The following POLQ variants were observed in gnomAD, a reference collection of about 807,000 sequenced individuals.
POLQ encodes the protein DNA polymerase theta, also known as epididymis secretory sperm binding protein.
Under a neutral mutation model 259.2 loss-of-function variants are expected in POLQ, and 233 were observed. That is an observed-to-expected ratio of 0.90 (90% CI 0.81 to 1.00). The LOEUF is 1.00. Among genes scored for constraint, POLQ ranks in the 50% least tolerant of loss-of-function variants. The pLI is 0.00. For missense variants in POLQ, 2,871 were observed against 3,051.6 expected (o/e 0.94, Z 1.39); for synonymous variants, 1,025 against 1,048.8 (o/e 0.98, Z 0.44).
chr3:121,445,488 T>C (rs1309350810), intron 26 of POLQ, among the ~76,000 whole-genome samples: 3 of 152,218 alleles, frequency 2.0e-5, no homozygotes, highest in African/African-American at 7.2e-5. Context: ...TCCTTTTTCA[T>C]TTCTGATTTT....
chr3:121,453,785 G>C (rs1339827296), intron 25 of POLQ, among the ~76,000 whole-genome samples: 2 of 152,132 alleles, frequency 1.3e-5, no homozygotes, highest in Non-Finnish European at 2.9e-5. Flanking sequence ...AGGGAGAATG[G>C]AACCAAGTTG....
intron 16 of POLQ, among the ~76,000 whole-genome samples, chr3:121,485,756 A>G (rs1157843999): frequency 6.6e-6 from 1 of 152,216 alleles, no homozygotes; most frequent in African/African-American, 2.4e-5. Context: ...TCTAGCCTCT[A>G]TTATATAGCC....
At chr3:121,478,683 G>GA (rs1010854113) in intron 19 of POLQ, among the ~76,000 whole-genome samples, 2 of 150,480 alleles carry the variant, frequency 1.3e-5, no homozygotes, top group African/African-American at 4.9e-5. Context: ...AAAAGGGATA[G>GA]AAAAAAGCTA....
In POLQ at chr3:121,487,150, A is replaced by G; in HGVS notation, c.5629+152T>C. ...TAATTAATTTAGGTATGCTGAATAAATAAGGCTGTTCTACACATAAATCCA... is the reference window on the plus strand; with the variant it reads ...TAATTAATTTAGGTATGCTGAATAAGTAAGGCTGTTCTACACATAAATCCA... On this transcript the variant is annotated intron_variant, in intron 16 of 29. Coordinates refer to ENST00000264233, the MANE Select transcript of POLQ (RefSeq NM_199420.4). 7.8e-6 allele frequency: 4 copies of G among 509,716 alleles called. No homozygotes were observed. In the East Asian group the frequency reaches 1.2e-4, roughly 16 times the overall value. 31.6% of individuals were successfully genotyped at this position (509,716 alleles called of 1,614,324 possible).
At chr3:121,444,350 G>T in intron 26 of POLQ, among the ~76,000 whole-genome samples, 1 of 151,780 alleles carries the variant, frequency 6.6e-6, no homozygotes, top group African/African-American at 2.4e-5. Context: ...TTTATTTGTG[G>T]CTATTATAAA....
intron 9 of POLQ, among the ~76,000 whole-genome samples, chr3:121,512,334 GTGA>G (rs1016509077): frequency 3.9e-5 from 6 of 152,158 alleles, no homozygotes; most frequent in African/African-American, 1.4e-4. Context: ...TTTTCCCTTT[GTGA>G]TGATGTTTTC....
At chr3:121,507,385 T>G (rs1351544465) in intron 12 of POLQ, among the ~76,000 whole-genome samples, 1 of 152,184 alleles carries the variant, frequency 6.6e-6, no homozygotes. Flanking sequence ...CCACAATATA[T>G]TGTCTAAGAA....
intron 2 of POLQ, among the ~76,000 whole-genome samples, chr3:121,541,849 G>A (rs902129221): frequency 1.3e-5 from 2 of 152,160 alleles, no homozygotes; most frequent in African/African-American, 4.8e-5. Context: ...AAAGGGCTGG[G>A]CATGGTGGCT....
At chr3:121,507,313 G>A (rs1181636206) in intron 12 of POLQ, among the ~76,000 whole-genome samples, 1 of 152,184 alleles carries the variant, frequency 6.6e-6, no homozygotes, top group African/African-American at 2.4e-5. Flanking sequence ...TGAGCTAGGG[G>A]TCAAGGCCTT....
chr3:121,478,401 G>A (rs2047943932), intron 19 of POLQ, among the ~76,000 whole-genome samples: 1 of 152,006 alleles, frequency 6.6e-6, no homozygotes, highest in Non-Finnish European at 1.5e-5. Context: ...AAGAAATTTA[G>A]ATCCCCAAAA....
intron 17 of POLQ, among the ~76,000 whole-genome samples, chr3:121,484,664 G>C (rs1270667235): frequency 6.6e-6 from 1 of 152,178 alleles, no homozygotes; most frequent in Non-Finnish European, 1.5e-5. Context: ...ACTTTGGGAG[G>C]CCAAGGCGGG....
rs770239323 is a variant in POLQ, at chr3:121,493,557, A to G, written c.2443T>C (p.Phe815Leu). The change falls in exon 15 of 30, where the codon TTT becomes CTT. Residue 815 changes from phenylalanine to leucine, a missense_variant. By Grantham distance (22) the Phe-to-Leu change is conservative. Transcript: ENST00000264233. ...CTAGCAAGGTCTGCCACAGTATGAA[A>G]GCCAGAAGCATAGAGAACCCTGGCT... ...QRARVLYASG[F>L]HTVADLARAN... The G allele has an allele frequency of 1.1e-5, 18 of 1,613,900 alleles. No individual in the cohort carries two copies. Among genetic ancestry groups the G allele is most frequent in the African/African-American group, 4.0e-5 (3 of 74,920 alleles).
intron 9 of POLQ, among the ~76,000 whole-genome samples, chr3:121,514,232 G>A (rs530005547): frequency 1.3e-5 from 2 of 150,840 alleles, no homozygotes; most frequent in South Asian, 4.2e-4. Context: ...GGAGGCTGAG[G>A]CAAGAGAATC....
intron 25 of POLQ, among the ~76,000 whole-genome samples, chr3:121,458,296 T>C (rs2047760393): frequency 1.3e-5 from 2 of 152,034 alleles, no homozygotes; most frequent in South Asian, 4.2e-4. Context: ...AATGACGAGT[T>C]AATGGGTGCA....
At chr3:121,474,316 A>C (rs1249277680) in intron 20 of POLQ, among the ~76,000 whole-genome samples, 1 of 152,164 alleles carries the variant, frequency 6.6e-6, no homozygotes, top group Non-Finnish European at 1.5e-5. Flanking sequence ...GAAGGTGGCC[A>C]ATACAATGTG....
chr3:121,493,185 C>T (rs1301680237), intron 15 of POLQ, among the ~76,000 whole-genome samples: 2 of 151,628 alleles, frequency 1.3e-5, no homozygotes, highest in Non-Finnish European at 2.9e-5. Flanking sequence ...GCCTATAATC[C>T]CAGCTACTCA....
chr3:121,503,128 C>T (rs1259641829), intron 12 of POLQ, among the ~76,000 whole-genome samples: 1 of 152,162 alleles, frequency 6.6e-6, no homozygotes, highest in African/African-American at 2.4e-5. Flanking sequence ...TAGCATGTTG[C>T]ATTACCTTTT....
At chr3:121,463,766 CT>C (rs534898552) in intron 24 of POLQ, among the ~76,000 whole-genome samples, 4 of 151,814 alleles carry the variant, frequency 2.6e-5, no homozygotes, top group African/African-American at 9.7e-5. Flanking sequence ...TTAAAAACTT[CT>C]TTTTTTTAGA....
rs187294464 is a variant in POLQ at position 121,435,122 on chromosome 3, C to T, written c.7543+1000G>A. ...GAGGTTGCAGTGAGCTGAGATCGTG[C>T]CACTGCACTCCAGCCTGGGTGACAG... On this transcript the variant is annotated intron_variant, in intron 28 of 29. Coordinates refer to ENST00000264233, the MANE Select transcript of POLQ (RefSeq NM_199420.4). Among the ~76,000 whole-genome samples the T allele has an allele frequency of 3.7e-3, 560 of 152,302 alleles. 2 individuals carry two copies. The highest frequency in any genetic ancestry group is 0.013 in the African/African-American group (534 of 41,572).
Sources: gnomAD v4.1 joint callset for allele counts (sites outside exome capture counted in the v4.1 genomes callset) on GRCh38, gnomAD v4.1.1 for gene constraint, MANE v1.5 for transcripts, NCBI Gene and HGNC (gene_info 2026-07-23, HGNC 2026-07-21) for gene names.